STYXL1: variants seen among roughly 807,000 people sequenced by gnomAD.
The protein encoded by STYXL1 is serine/threonine/tyrosine-interacting-like protein 1.
Under a neutral mutation model 36.4 loss-of-function variants are expected in STYXL1, and 32 were observed. That is an observed-to-expected ratio of 0.88 (90% CI 0.66 to 1.18). The LOEUF is 1.18. Ranked by LOEUF, STYXL1 falls within the 50% of genes most tolerant of loss-of-function variation. The probability of loss-of-function intolerance (pLI) is 0.00; values close to 1 mark genes in which losing one functional copy is unlikely to be tolerated. For missense variants in STYXL1, 354 were observed against 394.1 expected, an observed-to-expected ratio of 0.90 and a Z score of 0.86; for synonymous variants, 133 against 144.1, an observed-to-expected ratio of 0.92 and a Z score of 0.55.
At chr7:76,007,081 T>C (rs1791869852) in intron 5 of STYXL1, among the ~76,000 whole-genome samples, 1 of 152,182 alleles carries the variant, frequency 6.6e-6, no homozygotes, top group Admixed American at 6.6e-5. Flanking sequence ...ATTATTTACA[T>C]AGCATGTACA....
intron 8 of STYXL1, among the ~76,000 whole-genome samples, chr7:75,999,569 C>T (rs1205107377): frequency 9.4e-6 from 1 of 106,090 alleles, no homozygotes; most frequent in East Asian, 2.5e-4. Context: ...TTTTTTGAGA[C>T]AGAGTTTCGC....
At chr7:76,032,060 G>C (rs1289539421) in intron 1 of STYXL1, among the ~76,000 whole-genome samples, 2 of 152,064 alleles carry the variant, frequency 1.3e-5, no homozygotes, top group African/African-American at 4.8e-5. Context: ...CTTGATCCCA[G>C]GAATTCAAGA....
Position 76,004,431 on chromosome 7 carries a change from T to C in STYXL1, c.600-576A>G, listed in dbSNP as rs149321418. Reference sequence around the variant, plus strand: ...TTTAAGTACCTATCTTGGCCAAGCATGGTGGCTCACACCTGTAAACCCAGC... The same window carrying C: ...TTTAAGTACCTATCTTGGCCAAGCACGGTGGCTCACACCTGTAAACCCAGC... On this transcript the variant is annotated intron_variant, in intron 6 of 8. Transcript: ENST00000359697. Among the ~76,000 whole-genome samples, 999 of 149,726 alleles carry C rather than the reference T, an allele frequency of 6.7e-3. 13 individuals are homozygous for C. The highest frequency in any genetic ancestry group is 0.021 in the African/African-American group (872 of 41,020).
At chr7:76,002,202 A>G (rs1221355160) in intron 7 of STYXL1, among the ~76,000 whole-genome samples, 2 of 152,168 alleles carry the variant, frequency 1.3e-5, no homozygotes, top group Non-Finnish European at 2.9e-5. Flanking sequence ...ACGGGATCAC[A>G]GTATACTACC....
At chr7:76,043,933 C>T (rs1194997958) in intron 1 of STYXL1, 1 of 152,204 alleles carries the variant, frequency 6.6e-6, no homozygotes, top group Non-Finnish European at 1.5e-5. Flanking sequence ...AGTAACCAGA[C>T]ACAATCCAAG....
At chr7:76,003,130 T>C (rs1463978853) in intron 7 of STYXL1, among the ~76,000 whole-genome samples, 1 of 151,728 alleles carries the variant, frequency 6.6e-6, no homozygotes, top group Non-Finnish European at 1.5e-5. Flanking sequence ...CCACTCTTGA[T>C]GAGTTAAGTA....
At chr7:76,013,325 C>CAAA (rs782742797) in intron 5 of STYXL1, among the ~76,000 whole-genome samples, 2 of 80,702 alleles carry the variant, frequency 2.5e-5, no homozygotes, top group Non-Finnish European at 2.5e-5. Context: ...GACTCCGTCT[C>CAAA]AAAAAAAAAA....
intron 3 of STYXL1, among the ~76,000 whole-genome samples, chr7:76,023,629 A>T (rs1310627194): frequency 1.3e-5 from 2 of 152,048 alleles, no homozygotes; most frequent in Admixed American, 6.6e-5. Flanking sequence ...CGGGAGTCTG[A>T]GGTGAGAGGA....
At chr7:76,005,882 AGAG>A (rs1279754103) in intron 5 of STYXL1, among the ~76,000 whole-genome samples, 59 of 76,638 alleles carry the variant, frequency 7.7e-4, no homozygotes, top group Non-Finnish European at 1.3e-3. Flanking sequence ...AGAGGAGGAG[AGAG>A]GAGGAGGAGG....
rs782086465 is a variant in STYXL1, at chr7:76,030,489, A to G, written c.35T>C (p.Leu12Pro). The G allele has an allele frequency of 6.2e-7, 1 of 1,614,002 alleles. No homozygotes were observed. Among genetic ancestry groups the G allele is most frequent in the Admixed American group, 1.7e-5 (1 of 60,012 alleles). ...TGTGGCCTGATTCAGGATGTTGTAA[A>G]GCTCTGTTGGTTCACATAAAAGCAA... Reference protein sequence around the residue: ...PGLLLCEPTELYNILNQATKL... With the variant: ...PGLLLCEPTEPYNILNQATKL... The change falls in exon 2 of 9, where the codon CTT becomes CCT. Residue 12 changes from leucine (L) to proline (P), a missense_variant. Coordinates refer to ENST00000359697, the MANE Select transcript of STYXL1 (RefSeq NM_001317785.2).
At chr7:76,032,382 G>A (rs1385213971) in intron 1 of STYXL1, among the ~76,000 whole-genome samples, 1 of 138,190 alleles carries the variant, frequency 7.2e-6, no homozygotes, top group East Asian at 2.2e-4. Context: ...CTGGGCAACA[G>A]AGTGAGACCC....
chr7:75,999,448 C>G (rs1245462188), intron 8 of STYXL1, among the ~76,000 whole-genome samples: 1 of 149,374 alleles, frequency 6.7e-6, no homozygotes, highest in East Asian at 2.0e-4. Context: ...CTTAATGCTC[C>G]TAAGCTATAC....
rs1256561317 is a variant in STYXL1, at chr7:76,021,783, T to C, written c.307+68A>G. 5 of 1,176,168 alleles carry C rather than the reference T, an allele frequency of 4.3e-6. No homozygotes were observed. The African/African-American group carries it at 6.0e-5, about 14-fold the overall frequency. 72.9% of individuals were successfully genotyped at this position (1,176,168 alleles called of 1,614,324 possible). On this transcript the variant is annotated intron_variant, in intron 4 of 8. Coordinates refer to ENST00000359697, the MANE Select transcript of STYXL1 (RefSeq NM_001317785.2). ...CCCGTGCCATGGGCATATGAACCTG[T>C]TGGTCCTATAACAAATTTGTTCAAT...
At chr7:76,028,575 T>G (rs1554578362) in intron 3 of STYXL1, 67 bp downstream of exon 3, 2 of 1,477,696 alleles carry the variant, frequency 1.4e-6, no homozygotes. Flanking sequence ...AGGGTGAAAC[T>G]TCCCACTCTT....
intron 3 of STYXL1, among the ~76,000 whole-genome samples, chr7:76,024,318 A>T (rs1293287949): frequency 1.3e-5 from 2 of 152,156 alleles, no homozygotes; most frequent in Non-Finnish European, 2.9e-5. Flanking sequence ...AGACACTACC[A>T]TATTAAAAGT....
chr7:76,033,024 A>T (rs1320930643), intron 1 of STYXL1, among the ~76,000 whole-genome samples: 1 of 152,138 alleles, frequency 6.6e-6, no homozygotes, highest in African/African-American at 2.4e-5. Flanking sequence ...GTGGAGAATC[A>T]CTGATGTGTC....
rs1796080840 is a variant in STYXL1, at chr7:76,037,931, G to T, written c.-4-7404C>A. Among the ~76,000 whole-genome samples the T allele has an allele frequency of 1.3e-5, 2 of 150,154 alleles. 1 individual carries two copies. Among genetic ancestry groups the T allele is most frequent in the African/African-American group, 4.9e-5 (2 of 41,100 alleles). On this transcript the variant is annotated intron_variant, in intron 1 of 8. Transcript: ENST00000359697. ...GACCAAGGCTTAAACATAGTGACAGGCATCAATGCCCTCACCTGTAAGCTG... is the reference window on the plus strand; with the variant it reads ...GACCAAGGCTTAAACATAGTGACAGTCATCAATGCCCTCACCTGTAAGCTG...
At chr7:76,024,302 G>C (rs1481492739) in intron 3 of STYXL1, among the ~76,000 whole-genome samples, 1 of 152,102 alleles carries the variant, frequency 6.6e-6, no homozygotes. Flanking sequence ...CCACTTTTAG[G>C]GAAAAAGACA....
chr7:76,045,349 C>T (rs1025287224), intron 1 of STYXL1: 1 of 151,882 alleles, frequency 6.6e-6, no homozygotes, highest in Non-Finnish European at 1.5e-5. Context: ...CCTGGGAATT[C>T]TTAGCATACA....
Sources: allele counts gnomAD v4.1 joint callset (sites outside exome capture counted in the v4.1 genomes callset), GRCh38; gene constraint gnomAD v4.1.1; transcripts MANE v1.5; gene names NCBI Gene and HGNC (gene_info 2026-07-23, HGNC 2026-07-21).